Variants in RANBP10 observed in about 807,000 individuals in gnomAD.
The protein encoded by RANBP10 is ran-binding protein 10.
A neutral mutation model predicts 72.8 loss-of-function variants in RANBP10; 24 were observed. That is an observed-to-expected ratio of 0.33 (90% CI 0.24 to 0.46). The LOEUF (loss-of-function observed/expected upper bound fraction) is 0.46. RANBP10 is among the 20% of genes least tolerant of loss of function. RANBP10 has a pLI of 1.00. For missense variants in RANBP10, 679 were observed against 817.5 expected (o/e 0.83, Z 2.07); for synonymous variants, 310 against 322.3 (o/e 0.96, Z 0.41).
chr16:67,733,404 A>G (rs773614788), intron 6 of RANBP10, among the ~76,000 whole-genome samples: 2 of 152,270 alleles, frequency 1.3e-5, no homozygotes, highest in East Asian at 3.9e-4. Flanking sequence ...TTATTACACC[A>G]TATTATTATT....
At chr16:67,796,622 G>A (rs920603863) in intron 2 of RANBP10, among the ~76,000 whole-genome samples, 1 of 152,128 alleles carries the variant, frequency 6.6e-6, no homozygotes, top group African/African-American at 2.4e-5. Context: ...AGTAATGTTG[G>A]TCATAGAAGC....
chr16:67,775,264 T>TCATTC, intron 2 of RANBP10, among the ~76,000 whole-genome samples: 1 of 151,826 alleles, frequency 6.6e-6, no homozygotes, highest in African/African-American at 2.4e-5. Context: ...TGAGCCAAGA[T>TCATTC]CAGGCCACTG....
In RANBP10 at chr16:67,726,554, G is replaced by A. The variant is rs200800615; in HGVS notation, c.1737C>T (p.Ser579=). The part of the protein sequence containing the change: ...CAALNSAILE[S]QNLPKQPPLM... ...GAGGGGGCTGCTTTGGCAGGTTCTG[G>A]GACTCTGTGGAGGAAAGACAAGGCC... Residue 579 remains serine, a synonymous_variant, in exon 14 of 14, where the codon TCC becomes TCT. Transcript: ENST00000317506. 36 of 1,554,656 alleles carry A rather than the reference G, an allele frequency of 2.3e-5. No individual in the cohort carries two copies. In the Admixed American group the frequency reaches 2.7e-4, roughly 12 times the overall value.
chr16:67,786,364 G>A (rs1416630263), intron 2 of RANBP10, among the ~76,000 whole-genome samples: 1 of 152,012 alleles, frequency 6.6e-6, no homozygotes, highest in African/African-American at 2.4e-5. Context: ...ATAAGAGAGT[G>A]AAAAGACAAT....
At chr16:67,778,239 C>T (rs774121205) in intron 2 of RANBP10, among the ~76,000 whole-genome samples, 4 of 152,114 alleles carry the variant, frequency 2.6e-5, no homozygotes, top group South Asian at 2.1e-4. Flanking sequence ...ATCACAGCTA[C>T]TTGAGAGGCT....
At chr16:67,798,574 G>A (rs555354178) in intron 2 of RANBP10, among the ~76,000 whole-genome samples, 1 of 152,290 alleles carries the variant, frequency 6.6e-6, no homozygotes, top group African/African-American at 2.4e-5. Flanking sequence ...TCTTTCAGAT[G>A]GGAGCTGGCA....
chr16:67,738,075 G>C, intron 4 of RANBP10, 40 bp from the exon 5 acceptor site: 1 of 1,557,856 alleles, frequency 6.4e-7, no homozygotes, highest in East Asian at 2.4e-5. Flanking sequence ...CCAGCCCCTG[G>C]GGCTACTCTG....
chr16:67,769,189 C>T (rs935295921), intron 3 of RANBP10, among the ~76,000 whole-genome samples: 4 of 152,132 alleles, frequency 2.6e-5, no homozygotes, highest in African/African-American at 9.7e-5. Flanking sequence ...TGCCTGTAAT[C>T]TCAGCACTTT....
intron 3 of RANBP10, among the ~76,000 whole-genome samples, chr16:67,755,443 G>A (rs2054268924): frequency 6.6e-6 from 1 of 152,088 alleles, no homozygotes; most frequent in African/African-American, 2.4e-5. Flanking sequence ...CAGCACTTTG[G>A]GAGGCCGAGG....
At chr16:67,728,546 G>C (rs1399787318) in intron 10 of RANBP10, 35 bp from the exon 11 acceptor site, 12 of 1,613,562 alleles carry the variant, frequency 7.4e-6, no homozygotes, top group African/African-American at 2.7e-5. Context: ...GTTGGCCCAG[G>C]GGGTGTGGTT....
chr16:67,736,652 C>T (rs1489786780), intron 5 of RANBP10, among the ~76,000 whole-genome samples: 1 of 152,222 alleles, frequency 6.6e-6, no homozygotes, highest in East Asian at 1.9e-4. Context: ...TTCCCCCATA[C>T]CTTCTTGCAT....
At chr16:67,785,766 G>A (rs2054905767) in intron 2 of RANBP10, among the ~76,000 whole-genome samples, 2 of 123,626 alleles carry the variant, frequency 1.6e-5, no homozygotes, top group South Asian at 2.4e-4. Flanking sequence ...AGTGGCTCAC[G>A]CCTATAATCC....
chr16:67,744,544 C>T, intron 3 of RANBP10, 89 bp from the exon 4 acceptor site: 1 of 1,359,288 alleles, frequency 7.4e-7, no homozygotes, highest in South Asian at 1.4e-5. Context: ...CTCTCAGCCT[C>T]TCCTCAGCCT....
At chr16:67,794,930 T>TAAAAAA (rs1239858200) in intron 2 of RANBP10, among the ~76,000 whole-genome samples, 4 of 54,268 alleles carry the variant, frequency 7.4e-5, no homozygotes, top group Admixed American at 2.1e-4. Flanking sequence ...TGCCTCAAAT[T>TAAAAAA]AAAAAAAAAA....
At chr16:67,738,089 C>T in intron 4 of RANBP10, 54 bp from the exon 5 acceptor site, 1 of 1,528,780 alleles carries the variant, frequency 6.5e-7, no homozygotes, top group African/African-American at 1.4e-5. Flanking sequence ...TACTCTGCCT[C>T]TGCACCCCAT....
chr16:67,765,623 T>G (rs1244464642), intron 3 of RANBP10, among the ~76,000 whole-genome samples: 1 of 151,296 alleles, frequency 6.6e-6, no homozygotes, highest in Non-Finnish European at 1.5e-5. Flanking sequence ...GATCACGAGG[T>G]CAGGAGATCG....
In RANBP10 at chr16:67,744,990, A is replaced by AT. The variant is rs998190216; in HGVS notation, c.401-536dup. ...AGGCGCCTGCCACAACGCCCGGCTA[A>AT]TTTTTTTTTTTTTGTATTTTTAGTA... On this transcript the variant is annotated intron_variant, in intron 3 of 13. Coordinates refer to ENST00000317506, the MANE Select transcript of RANBP10 (RefSeq NM_020850.3). Among the ~76,000 whole-genome samples the AT allele has an allele frequency of 5.9e-3, 859 of 145,228 alleles. 6 individuals are homozygous for AT. The highest frequency in any genetic ancestry group is 0.016 in the African/African-American group (656 of 39,916).
intron 3 of RANBP10, among the ~76,000 whole-genome samples, chr16:67,765,040 C>G (rs2054470507): frequency 6.6e-6 from 1 of 151,750 alleles, no homozygotes; most frequent in Admixed American, 6.6e-5. Flanking sequence ...AAGTACCGGT[C>G]AAAACAGCAA....
intron 3 of RANBP10, among the ~76,000 whole-genome samples, chr16:67,744,856 C>T (rs2054039461): frequency 1.3e-5 from 2 of 152,214 alleles, no homozygotes; most frequent in Non-Finnish European, 1.5e-5. Context: ...GACGGAGTCT[C>T]GCTGTCATCC....
Sources: allele counts gnomAD v4.1 joint callset (sites outside exome capture counted in the v4.1 genomes callset), GRCh38; gene constraint gnomAD v4.1.1; transcripts MANE v1.5; gene names NCBI Gene and HGNC (gene_info 2026-07-23, HGNC 2026-07-21).